CCDC198: variants seen among roughly 807,000 people sequenced by gnomAD.
CCDC198 encodes factor associated with metabolism and energy.
CCDC198 carries 18 observed loss-of-function variants against 35.6 expected under a neutral mutation model. The observed-to-expected ratio is 0.51, with a 90% CI of 0.35 to 0.75. The LOEUF is 0.75. Ranked by LOEUF, CCDC198 falls within the 30% of genes least tolerant of loss-of-function variation. The pLI, the probability that CCDC198 is intolerant of heterozygous loss-of-function variation, is 0.01. For missense variants in CCDC198, 365 were observed against 343.7 expected (o/e 1.06, Z -0.49); for synonymous variants, 119 against 113.4 (o/e 1.05, Z -0.31).
intron 5 of CCDC198, chr14:57,480,185 G>T (rs1331267980): frequency 7.1e-6 from 5 of 705,490 alleles, no homozygotes; most frequent in Non-Finnish European, 8.7e-6. Context: ...AGAAAAGGGT[G>T]CAGTCAGGAA....
At chr14:57,472,775 A>G (rs1428480428) in intron 5 of CCDC198, among the ~76,000 whole-genome samples, 1 of 152,160 alleles carries the variant, frequency 6.6e-6, no homozygotes, top group Non-Finnish European at 1.5e-5. Flanking sequence ...AGCATTCTTT[A>G]TAAGGCACTC....
Position 57,471,476 on chromosome 14 carries a change from A to G in CCDC198, c.770T>C (p.Leu257Pro). 2 of 1,614,028 alleles carry G rather than the reference A, an allele frequency of 1.2e-6. No homozygotes were observed. Among genetic ancestry groups the G allele is most frequent in the Non-Finnish European group, 8.5e-7 (1 of 1,179,970 alleles). The change falls in exon 6 of 6, where the codon CTC (leucine) becomes CCC (proline). Residue 257 changes from leucine (L) to proline (P), a missense_variant. Coordinates refer to ENST00000216445, the MANE Select transcript of CCDC198 (RefSeq NM_018168.4). ...TGAGTCAGAGCTGGAACTGTCCCAG[A>G]GAAGCTGTCCCTGGGCCTCTTGTTC... ...LHEQEAQGQL[L>P]WDSSSSDSDE...
Sources: gnomAD v4.1 joint callset for allele counts (sites outside exome capture counted in the v4.1 genomes callset) on GRCh38, gnomAD v4.1.1 for gene constraint, MANE v1.5 for transcripts, NCBI Gene and HGNC (gene_info 2026-07-23, HGNC 2026-07-21) for gene names.